The following OLA1 variants were observed in gnomAD, a reference collection of about 807,000 sequenced individuals.
The protein encoded by OLA1 is obg-like ATPase 1.
OLA1 carries 14 observed loss-of-function variants against 48.4 expected under a neutral mutation model. The ratio of observed to expected loss-of-function variants is 0.29; its 90% CI spans 0.19 to 0.45. The LOEUF (loss-of-function observed/expected upper bound fraction) is 0.45. Ranked by LOEUF, OLA1 falls within the 20% of genes least tolerant of loss-of-function variation. The pLI, the probability that OLA1 is intolerant of heterozygous loss-of-function variation, is 1.00. For synonymous variants in OLA1, 127 were observed against 150.4 expected (o/e 0.84, Z 1.14); for missense variants, 325 against 467.1 (o/e 0.70, Z 2.80).
At chr2:174,196,710 G>A (rs1414259528) in intron 4 of OLA1, among the ~76,000 whole-genome samples, 3 of 152,182 alleles carry the variant, frequency 2.0e-5, no homozygotes, top group Admixed American at 2.0e-4. Flanking sequence ...AAATGTATAT[G>A]CTATGCACAT....
chr2:174,093,569 T>C (rs1198267797), intron 7 of OLA1, among the ~76,000 whole-genome samples: 1 of 152,210 alleles, frequency 6.6e-6, no homozygotes, highest in African/African-American at 2.4e-5. Flanking sequence ...GCAAGGAATA[T>C]GCATTTAACT....
At chr2:174,135,983 A>G (rs10930641) in intron 5 of OLA1, among the ~76,000 whole-genome samples, 64,349 of 152,120 alleles carry the variant, frequency 0.42, 14,459 homozygotes, top group East Asian at 0.94. Flanking sequence ...TATTAAGCGT[A>G]CAATAGCATG....
intron 4 of OLA1, among the ~76,000 whole-genome samples, chr2:174,221,886 G>T (rs138416065): frequency 1.9e-3 from 290 of 152,140 alleles, no homozygotes; most frequent in African/African-American, 6.6e-3. Flanking sequence ...CAATGTACAG[G>T]CTTTAGTTAA....
intron 5 of OLA1, among the ~76,000 whole-genome samples, chr2:174,138,445 A>T (rs1686362006): frequency 6.6e-6 from 1 of 152,228 alleles, no homozygotes; most frequent in Non-Finnish European, 1.5e-5. Flanking sequence ...TCCCTAAAGC[A>T]GTTATAACAG....
intron 7 of OLA1, among the ~76,000 whole-genome samples, chr2:174,109,996 CTTCT>C (rs1266163640): frequency 6.6e-6 from 1 of 151,918 alleles, no homozygotes; most frequent in Non-Finnish European, 1.5e-5. Context: ...CTACTGTTTC[CTTCT>C]TTGTGTTCAT....
intron 4 of OLA1, among the ~76,000 whole-genome samples, chr2:174,221,270 C>T (rs1246732057): frequency 6.6e-6 from 1 of 152,046 alleles, no homozygotes; most frequent in Non-Finnish European, 1.5e-5. Context: ...TTCATTTCCC[C>T]CCCCACAAGG....
chr2:174,157,710 A>G (rs989487775), intron 4 of OLA1, among the ~76,000 whole-genome samples: 28 of 152,154 alleles, frequency 1.8e-4, no homozygotes. Context: ...TAATTTTTCT[A>G]AGATATAGAA....
intron 4 of OLA1, among the ~76,000 whole-genome samples, chr2:174,158,640 A>C (rs13018418): frequency 0.53 from 80,700 of 151,676 alleles, 22,039 homozygotes; most frequent in East Asian, 0.95. Context: ...GATCTTTACG[A>C]CATGATTTTC....
intron 4 of OLA1, among the ~76,000 whole-genome samples, chr2:174,142,383 G>A (rs1216032524): frequency 1.3e-5 from 2 of 152,136 alleles, no homozygotes; most frequent in Non-Finnish European, 2.9e-5. Flanking sequence ...TAGGGAGGGG[G>A]GGTCTGAAAT....
At chr2:174,130,481 C>T (rs1217097408) in intron 5 of OLA1, among the ~76,000 whole-genome samples, 1 of 152,132 alleles carries the variant, frequency 6.6e-6, no homozygotes, top group Non-Finnish European at 1.5e-5. Flanking sequence ...AGTAAGACCA[C>T]CCCCAGAATA....
rs547785748 is a variant in OLA1 at position 174,145,777 on chromosome 2, A to C, written c.374-3777T>G. Reference sequence around the variant, plus strand: ...TGTGAGTAATTATGTATAAAGTAACAATCATATATTCTGGTAAAATAACTC... The same window carrying C: ...TGTGAGTAATTATGTATAAAGTAACCATCATATATTCTGGTAAAATAACTC... On this transcript the variant is annotated intron_variant, in intron 4 of 10. Coordinates refer to ENST00000284719, the MANE Select transcript of OLA1 (RefSeq NM_013341.5). Among the ~76,000 whole-genome samples, 6 of 152,372 alleles carry C rather than the reference A, an allele frequency of 3.9e-5. No homozygotes were observed. In the South Asian group the frequency reaches 1.0e-3, roughly 26 times the overall value.
At chr2:174,221,565 A>T (rs1187958226) in intron 4 of OLA1, among the ~76,000 whole-genome samples, 1 of 151,896 alleles carries the variant, frequency 6.6e-6, no homozygotes, top group African/African-American at 2.4e-5. Context: ...ACTTTCTCAT[A>T]CCCAAATCTT....
At position 174,112,262 on chromosome 2, in the gene OLA1, G is replaced by A. The variant is rs535443002; in HGVS notation, c.728+10918C>T. Among the ~76,000 whole-genome samples, 43 of 152,250 alleles carry A rather than the reference G, an allele frequency of 2.8e-4. No homozygotes were observed. In the South Asian group the frequency reaches 2.9e-3, roughly 10 times the overall value. On this transcript the variant is annotated intron_variant, in intron 7 of 10. Coordinates refer to ENST00000284719, the MANE Select transcript of OLA1 (RefSeq NM_013341.5). ...TCTGCAGATGAACTGCTTACAATTG[G>A]ATGTCGGCACCACTGACTGGTTATG...
chr2:174,128,341 C>T (rs775388104), intron 5 of OLA1, among the ~76,000 whole-genome samples: 2 of 151,662 alleles, frequency 1.3e-5, no homozygotes, highest in Non-Finnish European at 2.9e-5. Flanking sequence ...TATGAGGCTG[C>T]AGCAAACTAC....
intron 9 of OLA1, chr2:174,079,333 A>C: frequency 3.4e-6 from 1 of 295,040 alleles, no homozygotes; most frequent in Non-Finnish European, 6.2e-6. Context: ...CCACTGTTTT[A>C]TTGATTTAGA....
At chr2:174,184,606 A>C (rs549272693) in intron 4 of OLA1, among the ~76,000 whole-genome samples, 120 of 152,338 alleles carry the variant, frequency 7.9e-4, no homozygotes, top group African/African-American at 2.8e-3. Flanking sequence ...AATCTAAATG[A>C]AGTCTAGAGT....
At chr2:174,099,657 T>C (rs1685346328) in intron 7 of OLA1, among the ~76,000 whole-genome samples, 2 of 152,356 alleles carry the variant, frequency 1.3e-5, no homozygotes, top group South Asian at 4.1e-4. Flanking sequence ...ATTGCCTTTA[T>C]GTTTACCTAC....
chr2:174,075,259 G>A lies in OLA1; in HGVS notation c.*167C>T. On this transcript the variant is annotated 3_prime_UTR_variant, in exon 11 of 11. Transcript: ENST00000284719. ...TTAGTGAACCTGCATTTCATGGGGGGGGGGGGGTACACAGTATTTTAATTT... is the reference window on the plus strand; with the variant it reads ...TTAGTGAACCTGCATTTCATGGGGGAGGGGGGGTACACAGTATTTTAATTT... 4 of 514,398 alleles carry A rather than the reference G, an allele frequency of 7.8e-6. No homozygotes were observed. The East Asian group carries it at 9.9e-5, about 13-fold the overall frequency. The allele number at this position is 514,398 out of a possible 1,614,324, so 31.9% of individuals were successfully genotyped here. A position where few individuals can be genotyped will look rare whatever the true frequency, so the allele number is the denominator to read the frequency against.
At chr2:174,224,779 G>A (rs1688579420) in intron 3 of OLA1, among the ~76,000 whole-genome samples, 1 of 152,158 alleles carries the variant, frequency 6.6e-6, no homozygotes, top group African/African-American at 2.4e-5. Flanking sequence ...ACCACAAGGG[G>A]AAGACAACCT....
Sources: gnomAD v4.1 joint callset for allele counts (sites outside exome capture counted in the v4.1 genomes callset) on GRCh38, gnomAD v4.1.1 for gene constraint, MANE v1.5 for transcripts, NCBI Gene and HGNC (gene_info 2026-07-23, HGNC 2026-07-21) for gene names.